The following SGF29 variants were observed in gnomAD, a reference collection of about 807,000 sequenced individuals.
SGF29 encodes the protein SAGA-associated factor 29.
SGF29 carries 15 observed loss-of-function variants against 38.1 expected under a neutral mutation model. That is an observed-to-expected ratio of 0.39 (90% confidence interval 0.26 to 0.61). The LOEUF is 0.61. SGF29 is among the 20% of genes least tolerant of loss of function. The pLI is 0.49. For missense variants in SGF29, 184 were observed against 394.6 expected (o/e 0.47, Z 4.52); for synonymous variants, 151 against 160.8 (o/e 0.94, Z 0.46).
At chr16:28,562,273 A>G (rs1353220937) in intron 1 of SGF29, among the ~76,000 whole-genome samples, 2 of 152,182 alleles carry the variant, frequency 1.3e-5, no homozygotes, top group Non-Finnish European at 2.9e-5. Flanking sequence ...ATAGTTGATC[A>G]TCAAGTAGGT....
intron 1 of SGF29, among the ~76,000 whole-genome samples, chr16:28,564,357 G>C (rs2046807648): frequency 6.6e-6 from 1 of 151,348 alleles, no homozygotes; most frequent in Non-Finnish European, 1.5e-5. Flanking sequence ...GAATGCTTAG[G>C]GAGTGCTTAG....
intron 1 of SGF29, among the ~76,000 whole-genome samples, chr16:28,568,313 CAAAAAAAA>C (rs148414167): frequency 9.2e-5 from 5 of 54,292 alleles, no homozygotes; most frequent in Non-Finnish European, 1.6e-4. Flanking sequence ...AACTCCATCT[CAAAAAAAA>C]AAAAAAAAAA....
chr16:28,564,594 C>CGTATATATAT (rs1724554988), intron 1 of SGF29, among the ~76,000 whole-genome samples: 1 of 120,726 alleles, frequency 8.3e-6, no homozygotes, highest in African/African-American at 3.3e-5. Flanking sequence ...TATATATACA[C>CGTATATATAT]ACATATATGT....
chr16:28,564,617 A>G lies in SGF29; in HGVS notation c.-16+10520A>G, dbSNP rs143859548. 6.0e-3 allele frequency among the ~76,000 whole-genome samples: 779 copies of G among 129,042 alleles called. 6 individuals are homozygous for G. The highest frequency in any genetic ancestry group is 9.6e-3 in the Non-Finnish European group (593 of 61,486). The allele number at this position is 129,042 out of a possible 152,430, so 84.7% of individuals were successfully genotyped here. On this transcript the variant is annotated intron_variant, in intron 1 of 9. Coordinates refer to ENST00000317058, the MANE Select transcript of SGF29 (RefSeq NM_138414.3). Reference sequence around the variant, plus strand: ...CACACATATATGTGTATATATATACATATATGCATATATATACGTATATAT... The same window carrying G: ...CACACATATATGTGTATATATATACGTATATGCATATATATACGTATATAT...
chr16:28,566,031 TG>T (rs1278400211), intron 1 of SGF29, among the ~76,000 whole-genome samples: 1 of 150,780 alleles, frequency 6.6e-6, no homozygotes, highest in Non-Finnish European at 1.5e-5. Context: ...CCCAGCACTT[TG>T]GGAGGCTGAG....
intron 1 of SGF29, among the ~76,000 whole-genome samples, chr16:28,555,021 G>T (rs1466463652): frequency 1.3e-5 from 2 of 152,098 alleles, no homozygotes; most frequent in African/African-American, 4.8e-5. Flanking sequence ...TTAGAGACAC[G>T]TTCTCTGTTG....
chr16:28,561,552 A>G (rs935860077), intron 1 of SGF29, among the ~76,000 whole-genome samples: 1 of 152,150 alleles, frequency 6.6e-6, no homozygotes, highest in African/African-American at 2.4e-5. Context: ...AAAACAAAAA[A>G]ACACAAAAGG....
intron 4 of SGF29, among the ~76,000 whole-genome samples, chr16:28,588,023 C>T (rs1011128859): frequency 6.6e-6 from 1 of 152,144 alleles, no homozygotes; most frequent in Non-Finnish European, 1.5e-5. Flanking sequence ...TGGTGTCGAT[C>T]TCCTGACCTC....
intron 1 of SGF29, among the ~76,000 whole-genome samples, chr16:28,564,561 ATATAC>A (rs2046812859): frequency 7.4e-6 from 1 of 134,550 alleles, no homozygotes; most frequent in African/African-American, 2.8e-5. Context: ...GTATATATAT[ATATAC>A]GTATATATAT....
intron 3 of SGF29, chr16:28,585,300 C>G (rs181969204): frequency 3.8e-6 from 2 of 528,978 alleles, no homozygotes; most frequent in African/African-American, 1.9e-5. Context: ...CTGCATCTGC[C>G]CTGAGGCCCT....
At position 28,585,067 on chromosome 16, in the gene SGF29, C is replaced by A; in HGVS notation, c.151+79C>A. 4 of 1,091,234 alleles carry A rather than the reference C, an allele frequency of 3.7e-6. No homozygotes were observed. The South Asian group carries it at 4.0e-5, about 11-fold the overall frequency. The allele number at this position is 1,091,234 out of a possible 1,614,324, so 67.6% of individuals were successfully genotyped here. A position where few individuals can be genotyped will look rare whatever the true frequency, so the allele number is the denominator to read the frequency against. On this transcript the variant is annotated intron_variant, in intron 3 of 9. Coordinates refer to ENST00000317058, the MANE Select transcript of SGF29 (RefSeq NM_138414.3). Reference sequence around the variant, plus strand: ...TGGCCAAGACTGTGACCGAGGTGGTCATTGTATTCAAAATAGATTTGCATG... The same window carrying A: ...TGGCCAAGACTGTGACCGAGGTGGTAATTGTATTCAAAATAGATTTGCATG...
At chr16:28,560,449 C>T (rs1305336988) in intron 1 of SGF29, among the ~76,000 whole-genome samples, 10 of 150,994 alleles carry the variant, frequency 6.6e-5, no homozygotes, top group African/African-American at 9.7e-5. Flanking sequence ...ATTAGCTGGA[C>T]GTGGTGGCGC....
chr16:28,581,207 T>TGG, intron 2 of SGF29, 63 bp downstream of exon 2: 1 of 1,473,028 alleles, frequency 6.8e-7, no homozygotes, highest in South Asian at 1.2e-5. Context: ...AGCCGTGAAG[T>TGG]GGGGGTGGCA....
At chr16:28,577,914 T>C (rs1053987302) in intron 1 of SGF29, among the ~76,000 whole-genome samples, 8 of 152,146 alleles carry the variant, frequency 5.3e-5, no homozygotes, top group African/African-American at 1.9e-4. Context: ...GACACCCTTG[T>C]TGAAAATTAG....
intron 2 of SGF29, among the ~76,000 whole-genome samples, chr16:28,584,666 G>A (rs2046944874): frequency 1.3e-5 from 2 of 152,134 alleles, no homozygotes; most frequent in African/African-American, 4.8e-5. Context: ...GCGGGCGCCT[G>A]TAGTCCCAGC....
At chr16:28,574,413 G>A (rs1370409600) in intron 1 of SGF29, among the ~76,000 whole-genome samples, 1 of 152,168 alleles carries the variant, frequency 6.6e-6, no homozygotes, top group East Asian at 1.9e-4. Context: ...CACTGTTCTG[G>A]TGATGTGCCC....
chr16:28,591,553 G>C (rs1401947408), intron 9 of SGF29, 37 bp from the exon 10 acceptor site: 1 of 1,466,452 alleles, frequency 6.8e-7, no homozygotes, highest in East Asian at 2.3e-5. Context: ...TGGCCTGGGG[G>C]TCTCTGAGCA....
At chr16:28,574,816 C>T (rs1332452040) in intron 1 of SGF29, among the ~76,000 whole-genome samples, 1 of 152,214 alleles carries the variant, frequency 6.6e-6, no homozygotes, top group Non-Finnish European at 1.5e-5. Context: ...TAGCAACAGC[C>T]TGCATGCTGA....
intron 4 of SGF29, among the ~76,000 whole-genome samples, chr16:28,586,882 C>G (rs1361729133): frequency 6.6e-6 from 1 of 152,176 alleles, no homozygotes; most frequent in Non-Finnish European, 1.5e-5. Context: ...GGGTCTCAGT[C>G]TGTCATCCAG....
Sources: gnomAD v4.1 joint callset for allele counts (sites outside exome capture counted in the v4.1 genomes callset) on GRCh38, gnomAD v4.1.1 for gene constraint, MANE v1.5 for transcripts, NCBI Gene and HGNC (gene_info 2026-07-23, HGNC 2026-07-21) for gene names.